The following TBC1D9B variants were observed in gnomAD, a reference collection of about 807,000 sequenced individuals.
The protein encoded by TBC1D9B is TBC1 domain family, member 9B (with GRAM domain).
A neutral mutation model predicts 121.1 loss-of-function variants in TBC1D9B; 87 were observed. The ratio of observed to expected loss-of-function variants is 0.72; its 90% CI spans 0.60 to 0.86. TBC1D9B has a LOEUF of 0.86. Among genes scored for constraint, TBC1D9B ranks in the 40% least tolerant of loss-of-function variants. The pLI is 0.00. For missense variants in TBC1D9B, 1,540 were observed against 1,628.6 expected, an observed-to-expected ratio of 0.95 and a Z score of 0.94; for synonymous variants, 668 against 670.1, an observed-to-expected ratio of 1.00 and a Z score of 0.05.
Position 179,879,668 on chromosome 5 carries a change from A to G in TBC1D9B, c.1376T>C (p.Phe459Ser), listed in dbSNP as rs1421291887. The change falls in exon 8 of 21, where the codon TTC becomes TCC. Residue 459 changes from phenylalanine to serine, a missense_variant. Transcript: ENST00000355235. The stretch of plus-strand genomic sequence containing the variant: ...GTCCTCCATGGGCGAGTTTTTCTGG[A>G]AGAGCTTCAGCAGGCCCTGGGATGC... ...PTASQGLLKL[F>S]QKNSPMEDLG... 6.2e-7 allele frequency: 1 copy of G among 1,614,116 alleles called. No individual in the cohort carries two copies. Among genetic ancestry groups the G allele is most frequent in the East Asian group, 2.2e-5 (1 of 44,868 alleles).
At chr5:179,889,482 T>G (rs1481385365) in intron 6 of TBC1D9B, among the ~76,000 whole-genome samples, 1 of 151,990 alleles carries the variant, frequency 6.6e-6, no homozygotes, top group Non-Finnish European at 1.5e-5. Context: ...AGGAGGCAGG[T>G]GGGAGAAGAC....
chr5:179,893,267 C>T lies in TBC1D9B; in HGVS notation c.778G>A (p.Glu260Lys), dbSNP rs1472572665. Reference sequence around the variant, plus strand: ...ATGGGCCTAGGCAGGGCCTTGTCCTCCAGGAAGCCCTCGCTGTCCAGCAGC... The same window carrying T: ...ATGGGCCTAGGCAGGGCCTTGTCCTTCAGGAAGCCCTCGCTGTCCAGCAGC... ...RQLLDSEGFL[E>K]DKALPRPIRP... The change falls in exon 5 of 21, where the codon GAG (glutamate) becomes AAG (lysine). Residue 260 changes from glutamate to lysine, a missense_variant. Transcript: ENST00000355235. 5 of 1,613,598 alleles carry T rather than the reference C, an allele frequency of 3.1e-6. No homozygotes were observed. The highest frequency in any genetic ancestry group is 2.5e-6 in the Non-Finnish European group (3 of 1,180,030).
rs573289798 is a variant in TBC1D9B at position 179,884,035 on chromosome 5, G to A, written c.1254+4068C>T. On this transcript the variant is annotated intron_variant, in intron 7 of 20. Coordinates refer to ENST00000355235, the MANE Select transcript of TBC1D9B (RefSeq NM_015043.4). ...CAATCCCAGTCCTTTTTTTCTTGGG[G>A]TGAGCTCTTGTCTTTCAGAAGAGAA... Among the ~76,000 whole-genome samples the A allele has an allele frequency of 1.3e-3, 199 of 152,130 alleles. 1 individual carries two copies. The highest frequency in any genetic ancestry group is 6.8e-3 in the Middle Eastern group (2 of 294).
rs2113650852 is a variant in TBC1D9B at position 179,902,062 on chromosome 5, C to A, written c.229+2640G>T. 6.6e-6 allele frequency among the ~76,000 whole-genome samples: 1 copy of A among 152,150 alleles called. No homozygotes were observed. The highest frequency in any genetic ancestry group is 1.9e-4 in the East Asian group (1 of 5,188). ...CAAGGTCACACAGCTGGGAAGTGAT[C>A]AAATCAGAATCCTAACCCTGGGTGC... On this transcript the variant is annotated intron_variant, in intron 2 of 20. Coordinates refer to ENST00000355235, the MANE Select transcript of TBC1D9B (RefSeq NM_015043.4). The surrounding 1 kb of genome is among the most constrained non-coding windows in gnomAD (Gnocchi z 4.9).
At position 179,888,436 on chromosome 5, in the gene TBC1D9B, C is replaced by A. The variant is rs545165713; in HGVS notation, c.1045-124G>T. On this transcript the variant is annotated intron_variant, in intron 6 of 20. Transcript: ENST00000355235. Reference sequence around the variant, plus strand: ...GGGCACAATGCAGTGAGTGGCCCAACTGTCCTCACATTCTGACTCTGCCAC... The same window carrying A: ...GGGCACAATGCAGTGAGTGGCCCAAATGTCCTCACATTCTGACTCTGCCAC... 3.0e-6 allele frequency: 3 copies of A among 989,830 alleles called. No homozygotes were observed. In the African/African-American group the frequency reaches 4.9e-5, roughly 16 times the overall value. 61.3% of individuals were successfully genotyped at this position (989,830 alleles called of 1,614,324 possible). A position where few individuals can be genotyped will look rare whatever the true frequency, so the allele number is the denominator to read the frequency against.
intron 17 of TBC1D9B, chr5:179,869,080 CAG>C (rs1417103211): frequency 1.3e-5 from 2 of 159,818 alleles, no homozygotes; most frequent in African/African-American, 4.8e-5. Flanking sequence ...AGCTCAGCCC[CAG>C]TATTCTAAAC....
chr5:179,880,038 G>C (rs1378544844), intron 7 of TBC1D9B: 4 of 573,870 alleles, frequency 7.0e-6, no homozygotes, highest in Non-Finnish European at 1.2e-5. Flanking sequence ...GTCAGTCTCA[G>C]GGAGCGGGTT....
At chr5:179,905,142 A>G (rs969897182) in intron 1 of TBC1D9B, among the ~76,000 whole-genome samples, 2 of 152,210 alleles carry the variant, frequency 1.3e-5, no homozygotes, top group Admixed American at 6.5e-5. Context: ...CTAGACTACA[A>G]AACAAGTATT....
In TBC1D9B at chr5:179,862,734, G is replaced by A. The variant is rs1759880367; in HGVS notation, c.*714C>T. ...GGGCCACAGCAAGGCATTGCACACA[G>A]TGGTTTTTATTTCTTTCAGGGATTT... On this transcript the variant is annotated 3_prime_UTR_variant, in exon 21 of 21. Coordinates refer to ENST00000355235, the MANE Select transcript of TBC1D9B (RefSeq NM_015043.4). The A allele has an allele frequency of 1.3e-5, 5 of 382,104 alleles. No individual in the cohort carries two copies. Among genetic ancestry groups the A allele is most frequent in the South Asian group, 8.8e-5 (5 of 56,736 alleles). The allele number at this position is 382,104 out of a possible 1,614,324, so 23.7% of individuals were successfully genotyped here.
In TBC1D9B at chr5:179,907,001, A is replaced by AG. The variant is rs1761339139; in HGVS notation, c.118+702_118+703insC. ...GGAGTGGCCTGTGGGCCTCCCCTGG[A>AG]TCCCACAGGCCGCACGACTCCAAGG... On this transcript the variant is annotated intron_variant, in intron 1 of 20. Transcript: ENST00000355235. The surrounding 1 kb of genome is among the most constrained non-coding windows in gnomAD (Gnocchi z 5.3). Among the ~76,000 whole-genome samples, 1 of 152,020 alleles carries AG rather than the reference A, an allele frequency of 6.6e-6. No individual in the cohort carries two copies. The highest frequency in any genetic ancestry group is 2.4e-5 in the African/African-American group (1 of 41,398).
chr5:179,867,925 T>G, intron 17 of TBC1D9B, 76 bp from the exon 18 acceptor site: 1 of 1,400,992 alleles, frequency 7.1e-7, no homozygotes. Flanking sequence ...CCTCCAGCCC[T>G]GGGCAGAGCC....
rs1237282413 is a variant in TBC1D9B at position 179,907,697 on chromosome 5, C to T, written c.118+7G>A. The T allele has an allele frequency of 3.5e-6, 4 of 1,137,034 alleles. No individual in the cohort carries two copies. The highest frequency in any genetic ancestry group is 1.9e-4 in the East Asian group (2 of 10,808). The allele number at this position is 1,137,034 out of a possible 1,614,324, so 70.4% of individuals were successfully genotyped here. On this transcript the variant is annotated splice_region_variant and intron_variant, in intron 1 of 20. Transcript: ENST00000355235. The surrounding 1 kb of genome is among the most constrained non-coding windows in gnomAD (Gnocchi z 5.3). Reference sequence around the variant, plus strand: ...CCCACAGGCCCGGCCGCCCGCGCGCCTCTCACCCGTAAGGCCGCCGCCCCT... The same window carrying T: ...CCCACAGGCCCGGCCGCCCGCGCGCTTCTCACCCGTAAGGCCGCCGCCCCT...
chr5:179,867,899 C>T, intron 17 of TBC1D9B, 50 bp from the exon 18 acceptor site: 1 of 1,487,398 alleles, frequency 6.7e-7, no homozygotes, highest in Non-Finnish European at 8.9e-7. Context: ...CAAGGAGATC[C>T]TCTCAGAGTA....
rs150005820 is a variant in TBC1D9B at position 179,901,111 on chromosome 5, T to C, written c.230-1804A>G. Among the ~76,000 whole-genome samples the C allele has an allele frequency of 9.3e-4, 141 of 152,294 alleles. No individual in the cohort carries two copies. The East Asian group carries it at 0.024, about 26-fold the overall frequency. On this transcript the variant is annotated intron_variant, in intron 2 of 20. Coordinates refer to ENST00000355235, the MANE Select transcript of TBC1D9B (RefSeq NM_015043.4). ...AAGGCCACAGGATAGATCCTCCCGA[T>C]TGGCCTGGGGGAGGATGCCCACGGG...
rs1759928294 is a variant in TBC1D9B, at chr5:179,863,945, G to A, written c.3205C>T (p.Pro1069Ser). ...PRDCATEEDE[P>S]PAPELHQDAA... ...TCCTGATGCAGTTCGGGTGCTGGTG[G>A]CTCGTCCTCCTCAGTGGCACAGTCC... is the stretch of plus-strand genomic sequence containing the variant. The change falls in exon 21 of 21, where the codon CCA becomes TCA. Residue 1069 changes from proline to serine, a missense_variant. By Grantham distance (74) the Pro-to-Ser change is moderately conservative. Transcript: ENST00000355235. This position sits in a 1 kb window ranked among gnomAD's most constrained non-coding sequence, Gnocchi z 4.5. The A allele has an allele frequency of 6.2e-7, 1 of 1,613,894 alleles. No individual in the cohort carries two copies.
intron 9 of TBC1D9B, 134 bp downstream of exon 9, chr5:179,878,913 T>C: frequency 7.9e-7 from 1 of 1,270,150 alleles, no homozygotes; most frequent in Non-Finnish European, 1.0e-6. Flanking sequence ...AGAGCCCGGC[T>C]CCCGGCTGTG....
rs963068632 is a variant in TBC1D9B at position 179,867,935 on chromosome 5, C to T, written c.2792-86G>A. ...AGTTCCCTCCAGCCCTGGGCAGAGC[C>T]TTGCTTTCCCTGCCCACGAGCCTGG... On this transcript the variant is annotated intron_variant, in intron 17 of 20. Transcript: ENST00000355235. The T allele has an allele frequency of 4.5e-6, 6 of 1,327,112 alleles. No homozygotes were observed. In the East Asian group the frequency reaches 7.6e-5, roughly 17 times the overall value. 82.2% of individuals were successfully genotyped at this position (1,327,112 alleles called of 1,614,324 possible).
chr5:179,870,512 G>A lies in TBC1D9B; in HGVS notation c.2485-17C>T. ...GTGCTTGGCCTGTGGGACACGGTCT[G>A]GTGAGACGGTCCAGCCGCTAAGCCT... On this transcript the variant is annotated splice_polypyrimidine_tract_variant and intron_variant, in intron 15 of 20. Transcript: ENST00000355235. The A allele has an allele frequency of 1.3e-6, 2 of 1,595,782 alleles. No homozygotes were observed. Among genetic ancestry groups the A allele is most frequent in the Non-Finnish European group, 1.7e-6 (2 of 1,174,490 alleles).
At chr5:179,872,848 G>GGCCCCCCCCCCCC in intron 14 of TBC1D9B, 44 bp downstream of exon 14, 1 of 1,457,254 alleles carries the variant, frequency 6.9e-7, no homozygotes, top group Non-Finnish European at 9.5e-7. Flanking sequence ...AGGCACTGCT[G>GGCCCCCCCCCCCC]CCCCCCCAGC....
Sources: gnomAD v4.1 joint callset for allele counts (sites outside exome capture counted in the v4.1 genomes callset) on GRCh38, gnomAD v4.1.1 for gene constraint, Gnocchi (gnomAD v3.1) non-coding constraint, MANE v1.5 for transcripts, NCBI Gene and HGNC (gene_info 2026-07-23, HGNC 2026-07-21) for gene names.